The following OCA2 variants were observed in gnomAD, a reference collection of about 807,000 sequenced individuals.
OCA2 encodes the protein OCA2 melanosomal transmembrane protein.
Under a neutral mutation model 100.2 loss-of-function variants are expected in OCA2, and 77 were observed. The ratio of observed to expected loss-of-function variants is 0.77; its 90% confidence interval spans 0.64 to 0.93. The LOEUF is 0.93. Among genes scored for constraint, OCA2 ranks in the 40% least tolerant of loss-of-function variants. The pLI is 0.00. For synonymous variants in OCA2, 432 were observed against 439.2 expected (o/e 0.98, Z 0.21); for missense variants, 1,062 against 1,089.1 (o/e 0.98, Z 0.35).
At chr15:27,942,045 A>G (rs1280749882) in intron 18 of OCA2, among the ~76,000 whole-genome samples, 2 of 152,120 alleles carry the variant, frequency 1.3e-5, no homozygotes, top group Non-Finnish European at 2.9e-5. Context: ...CAGAACGCTC[A>G]TGCATTACCA....
intron 23 of OCA2, among the ~76,000 whole-genome samples, chr15:27,759,558 G>T (rs1191771469): frequency 6.6e-6 from 1 of 151,940 alleles, no homozygotes; most frequent in Non-Finnish European, 1.5e-5. Context: ...TCAGAGCAAA[G>T]AACATTTCCA....
chr15:27,752,818 G>C (rs1276241627), downstream of OCA2, among the ~76,000 whole-genome samples: 142 of 34,914 alleles, frequency 4.1e-3, 2 homozygotes, highest in African/African-American at 0.022. Context: ...CCCCCCCCCA[G>C]AGGCCCACAG....
chr15:27,974,344 T>C (rs2040898211), intron 14 of OCA2, among the ~76,000 whole-genome samples: 1 of 152,250 alleles, frequency 6.6e-6, no homozygotes. Flanking sequence ...AATGTATGGC[T>C]GTGCTGTCAC....
In OCA2 at chr15:28,046,698, T is replaced by C. The variant is rs41313533; in HGVS notation, c.228-14535A>G. On this transcript the variant is annotated intron_variant, in intron 2 of 23. Transcript: ENST00000354638. ...CAACAGGACAGGGTACCTATCATGC[T>C]GGTGCTGAATAATGACCACAGCACT... Among the ~76,000 whole-genome samples the C allele has an allele frequency of 2.7e-4, 41 of 152,294 alleles. No individual in the cohort carries two copies. In the East Asian group the frequency reaches 3.9e-3, roughly 14 times the overall value.
chr15:27,854,637 A>G (rs1251573518), intron 21 of OCA2, among the ~76,000 whole-genome samples: 1 of 152,206 alleles, frequency 6.6e-6, no homozygotes, highest in Non-Finnish European at 1.5e-5. Flanking sequence ...CTTATGATAA[A>G]CGCGATTATC....
chr15:28,067,824 T>C (rs1457790739), intron 2 of OCA2, among the ~76,000 whole-genome samples: 1 of 152,138 alleles, frequency 6.6e-6, no homozygotes, highest in Non-Finnish European at 1.5e-5. Flanking sequence ...GTTGTTGGAG[T>C]GTTCTGCAGA....
At chr15:27,765,704 T>A (rs999473192) in intron 23 of OCA2, among the ~76,000 whole-genome samples, 1 of 152,196 alleles carries the variant, frequency 6.6e-6, no homozygotes, top group Non-Finnish European at 1.5e-5. Context: ...AAAATAAAAC[T>A]CTTTTCCTTT....
At chr15:27,954,893 G>A (rs759416873) in intron 17 of OCA2, among the ~76,000 whole-genome samples, 10 of 152,192 alleles carry the variant, frequency 6.6e-5, no homozygotes, top group Non-Finnish European at 1.5e-4. Context: ...AGGGACACCC[G>A]CTCAGAGGGC....
intron 19 of OCA2, among the ~76,000 whole-genome samples, chr15:27,872,154 T>C (rs538843812): frequency 2.8e-4 from 42 of 152,310 alleles, no homozygotes; most frequent in Admixed American, 2.2e-3. Flanking sequence ...CCTCATTGAT[T>C]TGAGTTAAGG....
At chr15:27,901,787 G>T (rs1224891460) in intron 19 of OCA2, among the ~76,000 whole-genome samples, 1 of 152,172 alleles carries the variant, frequency 6.6e-6, no homozygotes, top group Non-Finnish European at 1.5e-5. Flanking sequence ...GCACATGTAA[G>T]TCCCCAGACC....
chr15:27,864,963 G>A (rs2036266911), intron 21 of OCA2, among the ~76,000 whole-genome samples: 3 of 151,722 alleles, frequency 2.0e-5, no homozygotes, highest in Admixed American at 1.3e-4. Flanking sequence ...AAGAGGCGGC[G>A]GGTGTGAAAG....
intron 23 of OCA2, among the ~76,000 whole-genome samples, chr15:27,813,372 G>A (rs1474409281): frequency 1.3e-5 from 2 of 151,968 alleles, no homozygotes; most frequent in African/African-American, 4.8e-5. Context: ...CTTCTTCACT[G>A]GCACCCCCCA....
chr15:27,863,076 G>C (rs914363383), intron 21 of OCA2, among the ~76,000 whole-genome samples: 2 of 152,166 alleles, frequency 1.3e-5, no homozygotes, highest in Non-Finnish European at 2.9e-5. Flanking sequence ...GCGGGAGGCT[G>C]GCAGGGCTGA....
intron 18 of OCA2, among the ~76,000 whole-genome samples, chr15:27,936,772 C>T (rs1035896223): frequency 2.0e-5 from 3 of 152,134 alleles, no homozygotes; most frequent in Non-Finnish European, 2.9e-5. Context: ...CCAAGATACC[C>T]GCTGTAGCTG....
chr15:27,989,403 G>A (rs534977342), intron 11 of OCA2, among the ~76,000 whole-genome samples, 198 bp downstream of exon 11: 1 of 152,136 alleles, frequency 6.6e-6, no homozygotes, highest in Non-Finnish European at 1.5e-5. Flanking sequence ...CACGCCTTGG[G>A]CTGAAATTCT....
chr15:27,876,632 AT>A (rs1229647978), intron 19 of OCA2, among the ~76,000 whole-genome samples: 1 of 151,944 alleles, frequency 6.6e-6, no homozygotes, highest in Non-Finnish European at 1.5e-5. Context: ...ATATAACTCT[AT>A]TTTGATTTTC....
chr15:27,733,426 T>A, the OCA2 span, among the ~76,000 whole-genome samples: 2 of 152,262 alleles, frequency 1.3e-5, no homozygotes, highest in South Asian at 4.2e-4. Context: ...TGTCAGTCTG[T>A]CAGCCACCCA....
At chr15:27,761,439 T>C (rs2030830760) in intron 23 of OCA2, among the ~76,000 whole-genome samples, 1 of 151,338 alleles carries the variant, frequency 6.6e-6, no homozygotes, top group South Asian at 2.1e-4. Flanking sequence ...ATCTGTGTGC[T>C]GTAAGTTACA....
chr15:27,873,199 T>C (rs2036654235), intron 19 of OCA2, among the ~76,000 whole-genome samples: 2 of 152,236 alleles, frequency 1.3e-5, no homozygotes, highest in African/African-American at 4.8e-5. Context: ...CAGATCGTTC[T>C]TGGCTGTGGG....
Sources: allele counts gnomAD v4.1 joint callset (sites outside exome capture counted in the v4.1 genomes callset), GRCh38; gene constraint gnomAD v4.1.1; transcripts MANE v1.5; gene names NCBI Gene and HGNC (gene_info 2026-07-23, HGNC 2026-07-21).